Variants in SERAC1 observed in about 807,000 individuals in gnomAD.
SERAC1 encodes protein SERAC1.
SERAC1 carries 36 observed loss-of-function variants against 85.7 expected under a neutral mutation model. That is an observed-to-expected ratio of 0.42 (90% CI 0.32 to 0.55). SERAC1 has a LOEUF of 0.55. SERAC1 is among the 20% of genes least tolerant of loss of function. SERAC1 has a pLI of 0.11. For synonymous variants in SERAC1, 242 were observed against 265.3 expected, an observed-to-expected ratio of 0.91 and a Z score of 0.85; for missense variants, 629 against 796.2, an observed-to-expected ratio of 0.79 and a Z score of 2.53.
At chr6:158,113,859 G>T (rs1022295551) in intron 15 of SERAC1, among the ~76,000 whole-genome samples, 1 of 152,008 alleles carries the variant, frequency 6.6e-6, no homozygotes, top group Non-Finnish European at 1.5e-5. Flanking sequence ...CTGGTGTGTG[G>T]GACCACAGGG....
At chr6:158,115,660 G>A (rs751272080) in intron 14 of SERAC1, among the ~76,000 whole-genome samples, 6 of 152,096 alleles carry the variant, frequency 3.9e-5, no homozygotes, top group East Asian at 1.9e-4. Flanking sequence ...TGGGGGAGTC[G>A]CACACAGGGG....
intron 14 of SERAC1, among the ~76,000 whole-genome samples, chr6:158,115,500 G>A (rs1405384191): frequency 3.9e-5 from 6 of 152,296 alleles, no homozygotes; most frequent in African/African-American, 1.4e-4. Context: ...GATGACAGTA[G>A]GTCTTTGAGG....
At chr6:158,124,944 G>T (rs1784507682) in intron 10 of SERAC1, among the ~76,000 whole-genome samples, 1 of 152,180 alleles carries the variant, frequency 6.6e-6, no homozygotes, top group African/African-American at 2.4e-5. Flanking sequence ...TCTTTAGGCT[G>T]AAGAGAAATA....
At position 158,110,910 on chromosome 6, in the gene SERAC1, A is replaced by G. The variant is rs1784128106; in HGVS notation, c.*456T>C. 1 of 152,508 alleles carries G rather than the reference A, an allele frequency of 6.6e-6. No individual in the cohort carries two copies. The highest frequency in any genetic ancestry group is 2.4e-5 in the African/African-American group (1 of 41,474). 9.4% of individuals were successfully genotyped at this position (152,508 alleles called of 1,614,324 possible). ...AAACTTTAAAAATGTACAGCAAATC[A>G]ATACCCAGAAGTAAAAGAGTCTTGA... On this transcript the variant is annotated 3_prime_UTR_variant, in exon 17 of 17. Transcript: ENST00000647468.
At chr6:158,130,614 G>A in intron 8 of SERAC1, 128 bp from the exon 9 acceptor site, 1 of 579,522 alleles carries the variant, frequency 1.7e-6, no homozygotes, top group Non-Finnish European at 3.0e-6. Context: ...CTCAAAATAT[G>A]TTGGAAATGT....
rs372732327 is a variant in SERAC1, at chr6:158,124,715, A to G, written c.1015+3393T>C. 3.3e-5 allele frequency among the ~76,000 whole-genome samples: 5 copies of G among 151,598 alleles called. No individual in the cohort carries two copies. The South Asian group carries it at 8.3e-4, about 25-fold the overall frequency. On this transcript the variant is annotated intron_variant, in intron 10 of 16. Coordinates refer to ENST00000647468, the MANE Select transcript of SERAC1 (RefSeq NM_032861.4). ...TTCTCATCAGACAATGGACTCCAGA[A>G]GAGAGTGGAATGACATTTTAGAAAT...
chr6:158,115,054 G>GAAAT, intron 14 of SERAC1, 83 bp from the exon 15 acceptor site: 1 of 1,370,694 alleles, frequency 7.3e-7, no homozygotes. Flanking sequence ...GGCCAAACAA[G>GAAAT]AAATACATAA....
At chr6:158,125,061 G>A (rs1201401812) in intron 10 of SERAC1, among the ~76,000 whole-genome samples, 6 of 152,106 alleles carry the variant, frequency 3.9e-5, no homozygotes, top group Non-Finnish European at 5.9e-5. Flanking sequence ...AATGTCACAC[G>A]ACTGTTCCTA....
chr6:158,153,012 C>T (rs1400889005), intron 3 of SERAC1, among the ~76,000 whole-genome samples: 3 of 152,114 alleles, frequency 2.0e-5, no homozygotes, highest in Non-Finnish European at 4.4e-5. Flanking sequence ...ATAATCATAT[C>T]CAGGCAAGAA....
At chr6:158,135,468 G>A (rs1292528165) in intron 8 of SERAC1, among the ~76,000 whole-genome samples, 1 of 152,086 alleles carries the variant, frequency 6.6e-6, no homozygotes, top group African/African-American at 2.4e-5. Flanking sequence ...GGGAGGCGGA[G>A]GTTGCAATGA....
chr6:158,144,148 A>T, intron 7 of SERAC1, 151 bp downstream of exon 7: 1 of 627,350 alleles, frequency 1.6e-6, no homozygotes, highest in Non-Finnish European at 2.6e-6. Context: ...ATCTTTGTAT[A>T]AAAACTATGA....
chr6:158,112,849 T>TTA (rs1220113913), intron 16 of SERAC1: 2 of 143,808 alleles, frequency 1.4e-5, no homozygotes, highest in African/African-American at 5.2e-5. Context: ...GGGTATCTAG[T>TTA]ATGTACAGAG....
chr6:158,140,535 C>T (rs1583586519), intron 8 of SERAC1, among the ~76,000 whole-genome samples: 1 of 152,338 alleles, frequency 6.6e-6, no homozygotes, highest in East Asian at 1.9e-4. Context: ...TCTCCTCTGT[C>T]ATATCCTTTA....
In SERAC1 at chr6:158,119,222, T is replaced by TG. The variant is rs1784363958; in HGVS notation, c.1167-53dup. The stretch of plus-strand genomic sequence containing the variant: ...AAGCAGAATAAATGCATTACTGCTT[T>TG]GGTAAGAATCTACACAGCATTCTCT... On this transcript the variant is annotated intron_variant, in intron 11 of 16. Transcript: ENST00000647468. This position sits in a 1 kb window ranked among gnomAD's most constrained non-coding sequence, Gnocchi z 4.5. The TG allele has an allele frequency of 6.5e-7, 1 of 1,546,642 alleles. No homozygotes were observed. Among genetic ancestry groups the TG allele is most frequent in the South Asian group, 1.2e-5 (1 of 83,396 alleles).
chr6:158,166,625 G>A (rs538573308), intron 1 of SERAC1, among the ~76,000 whole-genome samples: 2 of 152,216 alleles, frequency 1.3e-5, no homozygotes, highest in African/African-American at 4.8e-5. Context: ...TATTAATACG[G>A]TATATCTCAC....
rs767870142 is a variant in SERAC1 at position 158,117,766 on chromosome 6, G to C, written c.1364C>G (p.Thr455Ser). 1.9e-5 allele frequency: 30 copies of C among 1,614,128 alleles called. No individual in the cohort carries two copies. The East Asian group carries it at 5.6e-4, about 30-fold the overall frequency. ...ALRIISVEYDTSLSDWRARCP... is the reference protein window; with the variant it reads ...ALRIISVEYDSSLSDWRARCP... ...CCTTGCTCTCCAGTCGCTGAGGCTGGTGTCATACTCCACAGATATAATTCG... is the reference window on the plus strand; with the variant it reads ...CCTTGCTCTCCAGTCGCTGAGGCTGCTGTCATACTCCACAGATATAATTCG... The change falls in exon 13 of 17, where the codon ACC becomes AGC. Residue 455 changes from threonine (T) to serine (S), a missense_variant. Thr to Ser is a moderately conservative substitution (Grantham distance 58). Transcript: ENST00000647468. The surrounding 1 kb of genome is among the most constrained non-coding windows in gnomAD (Gnocchi z 4.3).
chr6:158,133,794 G>T (rs1428857435), intron 8 of SERAC1, among the ~76,000 whole-genome samples: 3 of 152,128 alleles, frequency 2.0e-5, no homozygotes, highest in African/African-American at 4.8e-5. Flanking sequence ...TTTTAACAAG[G>T]GTCCTTAGGG....
intron 9 of SERAC1, among the ~76,000 whole-genome samples, chr6:158,130,118 A>G (rs1197615727): frequency 2.6e-5 from 4 of 152,366 alleles, no homozygotes; most frequent in Non-Finnish European, 5.9e-5. Flanking sequence ...CAAATGCCAC[A>G]TTTAGATGAT....
chr6:158,116,054 A>C, intron 14 of SERAC1, 131 bp downstream of exon 14: 2 of 688,196 alleles, frequency 2.9e-6, no homozygotes, highest in Non-Finnish European at 5.0e-6. Context: ...ATAGCTACAC[A>C]GATTAATTTA....
Sources: gnomAD v4.1 joint callset for allele counts (sites outside exome capture counted in the v4.1 genomes callset) on GRCh38, gnomAD v4.1.1 for gene constraint, Gnocchi (gnomAD v3.1) non-coding constraint, MANE v1.5 for transcripts, NCBI Gene and HGNC (gene_info 2026-07-23, HGNC 2026-07-21) for gene names.